Variants in TAB2 observed in about 807,000 individuals in gnomAD.
TAB2 encodes TGF-beta-activated kinase 1 and MAP3K7-binding protein 2.
TAB2 carries 3 observed loss-of-function variants against 65.0 expected under a neutral mutation model. The observed-to-expected ratio is 0.05, with a 90% CI of 0.02 to 0.12. The LOEUF (loss-of-function observed/expected upper bound fraction) is 0.12. TAB2 is among the 10% of genes least tolerant of loss of function. The probability of loss-of-function intolerance (pLI) is 1.00; values close to 1 mark genes in which losing one functional copy is unlikely to be tolerated. For missense variants in TAB2, 623 were observed against 840.3 expected (o/e 0.74, Z 3.20); for synonymous variants, 298 against 285.1 (o/e 1.05, Z -0.46).
At chr6:149,219,235 A>G (rs150370732) in intron 1 of TAB2, among the ~76,000 whole-genome samples, 380 of 151,800 alleles carry the variant, frequency 2.5e-3, no homozygotes, top group African/African-American at 8.7e-3. Context: ...CAAGGCCACC[A>G]TTTCCCATAG....
At chr6:149,398,783 T>G (rs998932951) in intron 5 of TAB2, among the ~76,000 whole-genome samples, 3 of 151,992 alleles carry the variant, frequency 2.0e-5, no homozygotes, top group Non-Finnish European at 4.4e-5. Context: ...AAATTACATT[T>G]TAAATTGTGA....
At chr6:149,219,128 A>G (rs652720) in intron 1 of TAB2, among the ~76,000 whole-genome samples, 90,654 of 151,972 alleles carry the variant, frequency 0.6, 27,880 homozygotes, top group African/African-American at 0.76. Flanking sequence ...TTCAGTGACA[A>G]CCAGATAGTT....
At chr6:149,230,462 G>A (rs1011155427) in intron 1 of TAB2, among the ~76,000 whole-genome samples, 11 of 152,314 alleles carry the variant, frequency 7.2e-5, no homozygotes, top group East Asian at 5.8e-4. Flanking sequence ...CATCAGTGGG[G>A]CTTGAGTTCT....
chr6:149,320,054 A>AT (rs890001009), intron 1 of TAB2, among the ~76,000 whole-genome samples: 19 of 151,718 alleles, frequency 1.3e-4, no homozygotes, highest in African/African-American at 3.9e-4. Context: ...CTGGGAAACA[A>AT]TTTTTTTTTA....
intron 1 of TAB2, among the ~76,000 whole-genome samples, chr6:149,358,641 T>TGTGTGTGTGTGTGTGTGTGC: frequency 6.8e-5 from 1 of 14,602 alleles, no homozygotes; most frequent in South Asian, 2.2e-3. Context: ...TTCAGAACTC[T>TGTGTGTGTGTGTGTGTGTGC]GTGTGTGTGT....
chr6:149,366,955 A>ATT (rs199731130), intron 1 of TAB2, among the ~76,000 whole-genome samples: 97 of 150,390 alleles, frequency 6.4e-4, no homozygotes, highest in South Asian at 1.5e-3. Context: ...TTGTGTATAA[A>ATT]TTTTTTTTTT....
Position 149,409,925 on chromosome 6 carries a change from G to C in TAB2, c.*206G>C, listed in dbSNP as rs1049809340. On this transcript the variant is annotated 3_prime_UTR_variant, in exon 7 of 7. Coordinates refer to ENST00000637181, the MANE Select transcript of TAB2 (RefSeq NM_001292034.3). ...GCAGTTGAAATTCATCACATGAAAA[G>C]TAATCTGCTGAAAGACTTGGTTGCC... 1.6e-6 allele frequency: 1 copy of C among 627,272 alleles called. No homozygotes were observed. Among genetic ancestry groups the C allele is most frequent in the Non-Finnish European group, 2.8e-6 (1 of 359,968 alleles). 38.9% of individuals were successfully genotyped at this position (627,272 alleles called of 1,614,324 possible).
At chr6:149,295,990 T>G (rs1312373559) in intron 1 of TAB2, among the ~76,000 whole-genome samples, 1 of 152,236 alleles carries the variant, frequency 6.6e-6, no homozygotes, top group Non-Finnish European at 1.5e-5. Context: ...CAGGCTTGTC[T>G]TGAACTCCTG....
intron 6 of TAB2, among the ~76,000 whole-genome samples, chr6:149,409,376 C>T (rs893945125): frequency 6.6e-6 from 1 of 151,938 alleles, no homozygotes; most frequent in African/African-American, 2.4e-5. Flanking sequence ...ACATCATGTT[C>T]ATGTTGTATT....
At chr6:149,230,520 A>G (rs1777380740) in intron 1 of TAB2, among the ~76,000 whole-genome samples, 2 of 152,262 alleles carry the variant, frequency 1.3e-5, no homozygotes, top group South Asian at 4.1e-4. Context: ...TTAGATCAAT[A>G]ATAGATATCT....
chr6:149,373,788 A>G (rs1781309135), intron 2 of TAB2, among the ~76,000 whole-genome samples: 1 of 152,212 alleles, frequency 6.6e-6, no homozygotes, highest in Non-Finnish European at 1.5e-5. Context: ...ATACACTTCA[A>G]GAGAGTCTTC....
At chr6:149,287,283 T>C (rs548867229) in intron 1 of TAB2, among the ~76,000 whole-genome samples, 48 of 152,322 alleles carry the variant, frequency 3.2e-4, no homozygotes, top group Admixed American at 6.5e-4. Flanking sequence ...TTTTTCTACA[T>C]TGAGCATGTA....
intron 1 of TAB2, among the ~76,000 whole-genome samples, chr6:149,233,419 G>A (rs918309867): frequency 1.3e-5 from 2 of 152,134 alleles, no homozygotes; most frequent in African/African-American, 2.4e-5. Flanking sequence ...GAGCCACCCA[G>A]GGCCCAGCAA....
At chr6:149,294,469 G>C (rs1481114216) in intron 1 of TAB2, among the ~76,000 whole-genome samples, 1 of 152,184 alleles carries the variant, frequency 6.6e-6, no homozygotes. Flanking sequence ...GAGATACTGA[G>C]GGTTAGGACT....
intron 1 of TAB2, among the ~76,000 whole-genome samples, chr6:149,233,251 C>T (rs1777438043): frequency 6.6e-6 from 1 of 152,160 alleles, no homozygotes; most frequent in African/African-American, 2.4e-5. Context: ...AGCACAGTGA[C>T]CAAGAATCTG....
At chr6:149,279,510 G>T (rs1175496902) in intron 1 of TAB2, among the ~76,000 whole-genome samples, 1 of 152,180 alleles carries the variant, frequency 6.6e-6, no homozygotes. Context: ...ACGTGGCAAT[G>T]TCTGACATTG....
chr6:149,322,338 G>A (rs1762210246), intron 1 of TAB2, among the ~76,000 whole-genome samples: 1 of 152,204 alleles, frequency 6.6e-6, no homozygotes, highest in South Asian at 2.1e-4. Flanking sequence ...TAAAAACTGT[G>A]TAATGGGTAT....
At chr6:149,369,170 C>G (rs2114854909) in intron 1 of TAB2, among the ~76,000 whole-genome samples, 1 of 151,946 alleles carries the variant, frequency 6.6e-6, no homozygotes, top group South Asian at 2.1e-4. Flanking sequence ...ATTTATATCC[C>G]CAAAAGATTT....
intron 1 of TAB2, among the ~76,000 whole-genome samples, chr6:149,239,330 G>T (rs2114640825): frequency 6.6e-6 from 1 of 152,300 alleles, no homozygotes; most frequent in African/African-American, 2.4e-5. Flanking sequence ...CTGAGATTAT[G>T]TGGTGAGGTC....
Sources: allele counts gnomAD v4.1 joint callset (sites outside exome capture counted in the v4.1 genomes callset), GRCh38; gene constraint gnomAD v4.1.1; transcripts MANE v1.5; gene names NCBI Gene and HGNC (gene_info 2026-07-23, HGNC 2026-07-21).